CHODL: variants seen among roughly 807,000 people sequenced by gnomAD.
CHODL encodes the protein chondrolectin.
CHODL carries 29 observed loss-of-function variants against 34.5 expected under a neutral mutation model. The ratio of observed to expected loss-of-function variants is 0.84; its 90% confidence interval spans 0.63 to 1.15. The LOEUF is 1.15. CHODL is among the 50% of genes most tolerant of loss of function. The pLI is 0.00. For synonymous variants in CHODL, 125 were observed against 116.1 expected (o/e 1.08, Z -0.49); for missense variants, 332 against 332.5 (o/e 1.00, Z 0.01).
chr21:18,025,118 G>T (rs1449767947), intron 1 of CHODL, among the ~76,000 whole-genome samples: 1 of 152,026 alleles, frequency 6.6e-6, no homozygotes, highest in Non-Finnish European at 1.5e-5. Context: ...CTGCTAATCA[G>T]GTTCAGAAGT....
At chr21:17,917,891 A>G (rs9637039) in intron 1 of CHODL, among the ~76,000 whole-genome samples, 45,258 of 150,620 alleles carry the variant, frequency 0.3, 8,193 homozygotes, top group South Asian at 0.48. Flanking sequence ...GTGTGTGTGT[A>G]TGTGTGTGTG....
At chr21:17,980,462 A>G (rs529034301) in intron 1 of CHODL, among the ~76,000 whole-genome samples, 1 of 152,296 alleles carries the variant, frequency 6.6e-6, no homozygotes, top group South Asian at 2.1e-4. Flanking sequence ...ATTTTCATCA[A>G]CTGATAAAGA....
chr21:18,041,823 A>G (rs1272621359), intron 2 of CHODL, among the ~76,000 whole-genome samples: 2 of 151,928 alleles, frequency 1.3e-5, no homozygotes, highest in Non-Finnish European at 2.9e-5. Context: ...GGCTTGATCA[A>G]TTCTACTCTA....
intron 1 of CHODL, among the ~76,000 whole-genome samples, chr21:17,976,270 GAAAAAAAAAAA>G (rs71318119): frequency 0.37 from 24,904 of 67,030 alleles, 3,183 homozygotes; most frequent in Middle Eastern, 0.53. Context: ...GACCATCTCA[GAAAAAAAAAAA>G]AAAAAAAAAA....
At chr21:17,978,289 G>A (rs1039397095) in intron 1 of CHODL, among the ~76,000 whole-genome samples, 4 of 152,082 alleles carry the variant, frequency 2.6e-5, no homozygotes, top group Non-Finnish European at 5.9e-5. Context: ...GGGTGTGGTG[G>A]CGCATGCCTG....
At chr21:18,048,396 T>C (rs1486255933) in intron 2 of CHODL, among the ~76,000 whole-genome samples, 1 of 151,932 alleles carries the variant, frequency 6.6e-6, no homozygotes, top group Non-Finnish European at 1.5e-5. Context: ...TTGGGTGGAA[T>C]TAAAAAACAA....
upstream of CHODL, among the ~76,000 whole-genome samples, chr21:18,242,715 G>A (rs979002679): frequency 2.0e-5 from 3 of 152,134 alleles, no homozygotes; most frequent in Admixed American, 2.0e-4. Flanking sequence ...TAATGAATGT[G>A]GCCAACTTAA....
intron 1 of CHODL, among the ~76,000 whole-genome samples, chr21:18,248,726 GTA>G (rs2074184918): frequency 1.7e-5 from 2 of 114,764 alleles, no homozygotes; most frequent in African/African-American, 3.8e-5. Context: ...ACATATATAT[GTA>G]TATAATATAT....
intron 1 of CHODL, among the ~76,000 whole-genome samples, chr21:17,966,522 T>C (rs1393169708): frequency 6.6e-6 from 1 of 152,220 alleles, no homozygotes; most frequent in Non-Finnish European, 1.5e-5. Context: ...TAGTTCTTAT[T>C]TCCCAGGTCA....
rs1269903427 is a variant in CHODL at position 18,214,404 on chromosome 21, T to A, written c.-44-42105T>A. On this transcript the variant is annotated intron_variant, in intron 2 of 6. Coordinates refer to the CHODL transcript ENST00000400127. ...TGCTTAGAATGGATAAGACTAGTGT[T>A]TTAATTATCTTTCAATCGCTCTAGC... Among the ~76,000 whole-genome samples, 3 of 152,098 alleles carry A rather than the reference T, an allele frequency of 2.0e-5. No homozygotes were observed. In the East Asian group the frequency reaches 5.8e-4, roughly 29 times the overall value.
At chr21:17,952,512 G>A (rs554011792) in intron 1 of CHODL, among the ~76,000 whole-genome samples, 101 of 152,030 alleles carry the variant, frequency 6.6e-4, no homozygotes, top group Admixed American at 5.4e-3. Flanking sequence ...GAAGAAAATA[G>A]AGTTTAGGAT....
At chr21:17,988,726 A>G (rs2063774399) in intron 1 of CHODL, among the ~76,000 whole-genome samples, 1 of 150,854 alleles carries the variant, frequency 6.6e-6, no homozygotes, top group Non-Finnish European at 1.5e-5. Context: ...AAGGACATGA[A>G]CTCAACATTT....
At chr21:18,204,354 C>G (rs1054117217) in intron 2 of CHODL, among the ~76,000 whole-genome samples, 1 of 151,986 alleles carries the variant, frequency 6.6e-6, no homozygotes. Context: ...GATAATATCT[C>G]GAAGCATCTC....
chr21:18,028,797 T>G (rs1039687383), intron 2 of CHODL, among the ~76,000 whole-genome samples: 1 of 152,038 alleles, frequency 6.6e-6, no homozygotes, highest in Non-Finnish European at 1.5e-5. Flanking sequence ...CAGCAAATAT[T>G]TGTTGAATAT....
chr21:18,089,244 C>G (rs1314265948), intron 2 of CHODL, among the ~76,000 whole-genome samples: 2 of 152,096 alleles, frequency 1.3e-5, no homozygotes, highest in African/African-American at 4.8e-5. Context: ...TAGCAGTTTC[C>G]TCTCTCTAGC....
intron 2 of CHODL, among the ~76,000 whole-genome samples, chr21:18,092,221 C>T (rs2065082471): frequency 6.6e-6 from 1 of 152,174 alleles, no homozygotes; most frequent in African/African-American, 2.4e-5. Flanking sequence ...AAGTCTCTGC[C>T]TGGTAATCCA....
intron 1 of CHODL, among the ~76,000 whole-genome samples, chr21:17,970,377 A>G (rs183447268): frequency 3.0e-4 from 46 of 152,282 alleles, no homozygotes; most frequent in Non-Finnish European, 5.6e-4. Context: ...GGAGTGTTAT[A>G]TCTCTAATTC....
At chr21:18,081,016 T>C (rs2064935097) in intron 2 of CHODL, among the ~76,000 whole-genome samples, 1 of 152,202 alleles carries the variant, frequency 6.6e-6, no homozygotes, top group African/African-American at 2.4e-5. Context: ...TTTATTTTAC[T>C]AGTGTTTTAT....
intron 2 of CHODL, among the ~76,000 whole-genome samples, chr21:18,170,414 G>T (rs2073213108): frequency 6.6e-6 from 1 of 151,864 alleles, no homozygotes; most frequent in South Asian, 2.1e-4. Context: ...TAATATAATT[G>T]CTGATTAAAC....
Sources: allele counts gnomAD v4.1 joint callset (sites outside exome capture counted in the v4.1 genomes callset), GRCh38; gene constraint gnomAD v4.1.1; transcripts MANE v1.5; gene names NCBI Gene and HGNC (gene_info 2026-07-23, HGNC 2026-07-21).